COL19A1: variants seen among roughly 807,000 people sequenced by gnomAD.
COL19A1 encodes collagen alpha-1(XIX) chain.
In COL19A1, 159 loss-of-function variants were observed where a neutral mutation model predicts 190.2. The observed-to-expected ratio is 0.84, with a 90% CI of 0.73 to 0.95. The LOEUF (loss-of-function observed/expected upper bound fraction) is 0.95, where lower values mean the gene tolerates loss of function less well. COL19A1 is among the 40% of genes least tolerant of loss of function. The pLI is 0.00. For missense variants in COL19A1, 1,418 were observed against 1,431.9 expected (o/e 0.99, Z 0.16); for synonymous variants, 509 against 458.9 (o/e 1.11, Z -1.39).
intron 9 of COL19A1, among the ~76,000 whole-genome samples, chr6:69,939,619 G>A (rs1473258535): frequency 3.3e-5 from 5 of 151,950 alleles, no homozygotes; most frequent in African/African-American, 7.2e-5. Flanking sequence ...TTCCACTTGC[G>A]ATATTTTACT....
In COL19A1 at chr6:69,922,477, G is replaced by T. The variant is rs1055426118; in HGVS notation, c.267-5432G>T. ...ATTATCGAAAAATAATTCTATTTAGGTTTTTTTTTTTTTTTTTTTTTGATA... is the reference window on the plus strand; with the variant it reads ...ATTATCGAAAAATAATTCTATTTAGTTTTTTTTTTTTTTTTTTTTTTGATA... On this transcript the variant is annotated intron_variant, in intron 4 of 50. Coordinates refer to ENST00000620364, the MANE Select transcript of COL19A1 (RefSeq NM_001858.6). Among the ~76,000 whole-genome samples the T allele has an allele frequency of 1.1e-4, 10 of 90,800 alleles. No homozygotes were observed. In the South Asian group the frequency reaches 1.8e-3, roughly 16 times the overall value. 59.6% of individuals were successfully genotyped at this position (90,800 alleles called of 152,430 possible).
chr6:69,873,575 G>T (rs1326253792), intron 1 of COL19A1, among the ~76,000 whole-genome samples: 1 of 152,204 alleles, frequency 6.6e-6, no homozygotes, highest in Non-Finnish European at 1.5e-5. Flanking sequence ...CTTTATGAAG[G>T]TATTTGCTGA....
chr6:70,150,003 G>T lies in COL19A1; in HGVS notation c.1995G>T (p.Gly665=), dbSNP rs1371419350. ...PGTPGNDGVP[G]RDGKPGLPGP... The stretch of plus-strand genomic sequence containing the variant: ...ACCTCTGTTTTCAGGGAGTTCCAGG[G>T]AGAGATGGAAAGCCAGGCCTGCCAG... The change falls in exon 30 of 51, where the codon GGG becomes GGT. Residue 665 remains glycine (G), a synonymous_variant. Transcript: ENST00000620364. 1 of 1,613,812 alleles carries T rather than the reference G, an allele frequency of 6.2e-7. No individual in the cohort carries two copies. Among genetic ancestry groups the T allele is most frequent in the Admixed American group, 1.7e-5 (1 of 59,980 alleles).
At chr6:70,142,733 G>A (rs762483967) in intron 22 of COL19A1, 34 bp from the exon 23 acceptor site, 4 of 1,568,728 alleles carry the variant, frequency 2.5e-6, no homozygotes, top group Non-Finnish European at 3.4e-6. Flanking sequence ...TTCTTTTTTA[G>A]CAAAGCTAAA....
chr6:69,960,768 A>G (rs989296659), intron 10 of COL19A1, among the ~76,000 whole-genome samples: 1 of 151,828 alleles, frequency 6.6e-6, no homozygotes, highest in African/African-American at 2.4e-5. Context: ...CTGGGACTAC[A>G]GGTGCCCGCC....
intron 14 of COL19A1, among the ~76,000 whole-genome samples, chr6:70,063,638 G>T (rs1163482898): frequency 1.3e-5 from 2 of 151,918 alleles, no homozygotes; most frequent in Non-Finnish European, 2.9e-5. Context: ...GATCAGAGCA[G>T]AACTGAAGGA....
chr6:69,989,764 C>T (rs1485479530), intron 11 of COL19A1, among the ~76,000 whole-genome samples: 1 of 152,022 alleles, frequency 6.6e-6, no homozygotes, highest in Admixed American at 6.6e-5. Context: ...GGTCTAGGTT[C>T]AAACCCTGGC....
intron 14 of COL19A1, among the ~76,000 whole-genome samples, chr6:70,056,076 T>C (rs146700402): frequency 3.0e-4 from 45 of 152,268 alleles, no homozygotes; most frequent in African/African-American, 9.6e-4. Flanking sequence ...CCTTTATTTT[T>C]TTCTCTGAGT....
intron 11 of COL19A1, among the ~76,000 whole-genome samples, chr6:70,017,513 A>G (rs1778182888): frequency 6.6e-6 from 1 of 152,158 alleles, no homozygotes; most frequent in Admixed American, 6.6e-5. Flanking sequence ...TAGCTAAACA[A>G]TAAAAAAGAT....
intron 48 of COL19A1, among the ~76,000 whole-genome samples, 191 bp from the exon 49 acceptor site, chr6:70,199,417 A>G (rs1767406149): frequency 6.6e-6 from 1 of 152,262 alleles, no homozygotes; most frequent in Admixed American, 6.5e-5. Context: ...GTCTGCATCT[A>G]TACACAAACA....
At chr6:70,026,925 T>C (rs1326734417) in intron 12 of COL19A1, among the ~76,000 whole-genome samples, 1 of 152,196 alleles carries the variant, frequency 6.6e-6, no homozygotes, top group Non-Finnish European at 1.5e-5. Context: ...CTGCCACACA[T>C]CATTGCTTAT....
At position 70,121,949 on chromosome 6, in the gene COL19A1, C is replaced by T. The variant is rs781235804; in HGVS notation, c.1341+7C>T. 90 of 1,537,076 alleles carry T rather than the reference C, an allele frequency of 5.9e-5. No homozygotes were observed. The highest frequency in any genetic ancestry group is 7.7e-5 in the Non-Finnish European group (88 of 1,138,744). ...TTATAACAAGGATAACAAGGTATGG[C>T]TTCTTTTTTCCCATAATTTATAATA... On this transcript the variant is annotated splice_region_variant and intron_variant, in intron 17 of 50. Coordinates refer to ENST00000620364, the MANE Select transcript of COL19A1 (RefSeq NM_001858.6).
chr6:70,095,369 C>T (rs1432076183), intron 15 of COL19A1, among the ~76,000 whole-genome samples: 3 of 152,046 alleles, frequency 2.0e-5, no homozygotes, highest in African/African-American at 7.2e-5. Context: ...ATGCACACTA[C>T]ATATTTTGGA....
intron 11 of COL19A1, among the ~76,000 whole-genome samples, chr6:70,009,161 C>A (rs1777827687): frequency 6.6e-6 from 1 of 151,864 alleles, no homozygotes; most frequent in Non-Finnish European, 1.5e-5. Context: ...CAGTGTAATA[C>A]TGCAGGAAAA....
At chr6:69,883,939 C>T (rs562868640) in intron 2 of COL19A1, among the ~76,000 whole-genome samples, 1 of 139,480 alleles carries the variant, frequency 7.2e-6, no homozygotes, top group Admixed American at 7.3e-5. Context: ...ATTCAACATA[C>T]TTTCAGGGAA....
chr6:69,967,161 T>C (rs1006921857), intron 11 of COL19A1, among the ~76,000 whole-genome samples: 1 of 152,208 alleles, frequency 6.6e-6, no homozygotes, highest in African/African-American at 2.4e-5. Context: ...TATACCTTAC[T>C]TTTCTTGATT....
chr6:70,007,565 C>T (rs9454939), intron 11 of COL19A1, among the ~76,000 whole-genome samples: 2,542 of 151,856 alleles, frequency 0.017, 77 homozygotes, highest in African/African-American at 0.058. Context: ...AACAGAGCCT[C>T]AAAATGCATG....
chr6:69,992,205 T>G (rs1776664508), intron 11 of COL19A1, among the ~76,000 whole-genome samples: 1 of 152,130 alleles, frequency 6.6e-6, no homozygotes, highest in Admixed American at 6.6e-5. Flanking sequence ...ATCAGATGGT[T>G]GTAGGTATGC....
At chr6:69,912,333 T>C (rs1020819358) in intron 4 of COL19A1, among the ~76,000 whole-genome samples, 10 of 152,210 alleles carry the variant, frequency 6.6e-5, no homozygotes, top group African/African-American at 2.4e-4. Context: ...TTAAATGATA[T>C]TATATTAACA....
Sources: allele counts gnomAD v4.1 joint callset (sites outside exome capture counted in the v4.1 genomes callset), GRCh38; gene constraint gnomAD v4.1.1; transcripts MANE v1.5; gene names NCBI Gene and HGNC (gene_info 2026-07-23, HGNC 2026-07-21).